EPB41L4A: variants seen among roughly 807,000 people sequenced by gnomAD.
EPB41L4A encodes erythrocyte membrane protein band 4.1 like 4A.
Under a neutral mutation model 108.6 loss-of-function variants are expected in EPB41L4A, and 100 were observed. The observed-to-expected ratio is 0.92, with a 90% CI of 0.78 to 1.09. The LOEUF is 1.09. Ranked by LOEUF, EPB41L4A falls within the 50% of genes least tolerant of loss-of-function variation. The pLI, the probability that EPB41L4A is intolerant of heterozygous loss-of-function variation, is 0.00. For synonymous variants in EPB41L4A, 319 were observed against 289.0 expected (o/e 1.10, Z -1.05); for missense variants, 1,030 against 842.7 (o/e 1.22, Z -2.75).
chr5:112,162,099 T>G (rs1009027195), downstream of EPB41L4A: 1 of 152,372 alleles, frequency 6.6e-6, no homozygotes, highest in South Asian at 2.1e-4. Flanking sequence ...TTGATTAAAA[T>G]GTAATACAAA....
At chr5:112,320,283 C>T (rs1005683115) in intron 1 of EPB41L4A, among the ~76,000 whole-genome samples, 2 of 152,134 alleles carry the variant, frequency 1.3e-5, no homozygotes, top group African/African-American at 4.8e-5. Context: ...AAGGAGAAGG[C>T]TGTGACCCAC....
chr5:112,235,808 A>G (rs1342327587), intron 11 of EPB41L4A, among the ~76,000 whole-genome samples: 4 of 152,142 alleles, frequency 2.6e-5, no homozygotes, highest in Non-Finnish European at 5.9e-5. Context: ...CAGGGGAATA[A>G]AGATGCCAGG....
chr5:112,387,939 T>G (rs1359801307), intron 1 of EPB41L4A, among the ~76,000 whole-genome samples: 1 of 152,060 alleles, frequency 6.6e-6, no homozygotes, highest in African/African-American at 2.4e-5. Context: ...CCCACCAAGT[T>G]TTTAATAACA....
chr5:112,195,753 A>G (rs761414705), intron 15 of EPB41L4A, 45 bp from the exon 16 acceptor site: 5 of 1,561,728 alleles, frequency 3.2e-6, no homozygotes, highest in Non-Finnish European at 4.4e-6. Context: ...GAGATTATCA[A>G]TTGGCTAAGG....
chr5:112,339,072 G>C (rs1194338194), intron 1 of EPB41L4A, among the ~76,000 whole-genome samples: 1 of 152,100 alleles, frequency 6.6e-6, no homozygotes, highest in Non-Finnish European at 1.5e-5. Context: ...GAATGCAAGA[G>C]ATACTGGAGG....
At chr5:112,242,974 G>A (rs1749908597) in intron 9 of EPB41L4A, among the ~76,000 whole-genome samples, 1 of 152,122 alleles carries the variant, frequency 6.6e-6, no homozygotes, top group Admixed American at 6.5e-5. Flanking sequence ...AGCACTTTGG[G>A]GAGCTGAGGC....
Position 112,218,144 on chromosome 5 carries a change from A to T in EPB41L4A, c.1088-8162T>A, listed in dbSNP as rs187268990. Among the ~76,000 whole-genome samples the T allele has an allele frequency of 1.8e-4, 28 of 152,264 alleles. No homozygotes were observed. In the East Asian group the frequency reaches 5.4e-3, roughly 29 times the overall value. On this transcript the variant is annotated intron_variant, in intron 12 of 22. Coordinates refer to ENST00000261486, the MANE Select transcript of EPB41L4A (RefSeq NM_022140.5). ...TGCCAGGTTCAAAAACAAGAAAGGG[A>T]TTTGTGAGGCTAGGAAGGCATCTGC...
chr5:112,253,720 G>A (rs1311757626), intron 9 of EPB41L4A, among the ~76,000 whole-genome samples: 1 of 152,104 alleles, frequency 6.6e-6, no homozygotes, highest in Admixed American at 6.6e-5. Flanking sequence ...AGAGAAAGAA[G>A]GCACAAATAA....
intron 2 of EPB41L4A, among the ~76,000 whole-genome samples, chr5:112,303,561 G>C (rs915327612): frequency 5.9e-5 from 9 of 152,112 alleles, no homozygotes; most frequent in African/African-American, 1.9e-4. Flanking sequence ...GGAATAACTA[G>C]AGAAAACATG....
intron 12 of EPB41L4A, among the ~76,000 whole-genome samples, chr5:112,217,467 T>G (rs2150328169): frequency 6.6e-6 from 1 of 152,194 alleles, no homozygotes; most frequent in East Asian, 1.9e-4. Flanking sequence ...GGGAAGACAA[T>G]GCAGGAGGGT....
chr5:112,275,261 T>A, intron 4 of EPB41L4A, 65 bp downstream of exon 4: 1 of 1,477,608 alleles, frequency 6.8e-7, no homozygotes, highest in Non-Finnish European at 9.0e-7. Flanking sequence ...TTTTAATTTG[T>A]TTTAAATAAA....
chr5:112,170,439 C>T, intron 19 of EPB41L4A, 70 bp from the exon 20 acceptor site: 2 of 1,020,256 alleles, frequency 2.0e-6, no homozygotes. Flanking sequence ...TCACAATCGG[C>T]AGGTGAGTTT....
chr5:112,143,998 G>T, intron 13 of EPB41L4A: 2 of 335,656 alleles, frequency 6.0e-6, no homozygotes, highest in South Asian at 4.6e-5. Flanking sequence ...ATTATCACTG[G>T]ACTGGATCTT....
chr5:112,206,230 G>C (rs1461443607), intron 13 of EPB41L4A, among the ~76,000 whole-genome samples: 1 of 152,140 alleles, frequency 6.6e-6, no homozygotes, highest in Non-Finnish European at 1.5e-5. Flanking sequence ...GATAAAGATA[G>C]AGCTATTTAA....
intron 12 of EPB41L4A, among the ~76,000 whole-genome samples, chr5:112,155,863 AG>A (rs1651597700): frequency 6.6e-6 from 1 of 152,192 alleles, no homozygotes; most frequent in Non-Finnish European, 1.5e-5. Context: ...TAAAATAAAG[AG>A]AAATGGGCTC....
At chr5:112,269,739 T>C (rs1458635046) in intron 4 of EPB41L4A, among the ~76,000 whole-genome samples, 1 of 152,218 alleles carries the variant, frequency 6.6e-6, no homozygotes, top group Middle Eastern at 3.2e-3. Flanking sequence ...TGTACCATAC[T>C]GGGGAAAAAT....
At chr5:112,344,101 T>TA (rs1312605056) in intron 1 of EPB41L4A, among the ~76,000 whole-genome samples, 4 of 152,166 alleles carry the variant, frequency 2.6e-5, no homozygotes, top group African/African-American at 4.8e-5. Context: ...GATAATATTA[T>TA]AGGAATTATT....
intron 1 of EPB41L4A, among the ~76,000 whole-genome samples, chr5:112,327,048 A>G (rs1013738703): frequency 6.6e-6 from 1 of 152,222 alleles, no homozygotes; most frequent in Non-Finnish European, 1.5e-5. Context: ...GTGTCCCCAC[A>G]AGGCAAGAGT....
intron 2 of EPB41L4A, among the ~76,000 whole-genome samples, chr5:112,283,865 T>G (rs17134318): frequency 0.067 from 10,211 of 152,196 alleles, 411 homozygotes; most frequent in Middle Eastern, 0.099. Context: ...AATAAAATCA[T>G]GTACAAGGAA....
Sources: gnomAD v4.1 joint callset for allele counts (sites outside exome capture counted in the v4.1 genomes callset) on GRCh38, gnomAD v4.1.1 for gene constraint, MANE v1.5 for transcripts, NCBI Gene and HGNC (gene_info 2026-07-23, HGNC 2026-07-21) for gene names.